The following EIF3E variants were observed in gnomAD, a reference collection of about 807,000 sequenced individuals.
EIF3E encodes the protein eukaryotic translation initiation factor 3 subunit E, also known as eIF-3 p48.
Under a neutral mutation model 59.3 loss-of-function variants are expected in EIF3E, and 25 were observed. The ratio of observed to expected loss-of-function variants is 0.42; its 90% CI spans 0.31 to 0.59. The LOEUF (loss-of-function observed/expected upper bound fraction) is 0.59. EIF3E is among the 20% of genes least tolerant of loss of function. The pLI is 0.15. For missense variants in EIF3E, 317 were observed against 534.3 expected (o/e 0.59, Z 4.01); for synonymous variants, 176 against 170.2 (o/e 1.03, Z -0.26).
intron 1 of EIF3E, among the ~76,000 whole-genome samples, chr8:108,243,638 GAAAAAAAAAAA>G (rs779684560): frequency 8.5e-5 from 6 of 70,986 alleles, no homozygotes; most frequent in Admixed American, 5.8e-4. Flanking sequence ...CAAAAAAAAA[GAAAAAAAAAAA>G]AAAAAAAAAA....
chr8:108,211,116 A>G (rs749378274), intron 10 of EIF3E, among the ~76,000 whole-genome samples: 4 of 152,170 alleles, frequency 2.6e-5, no homozygotes, highest in Non-Finnish European at 4.4e-5. Context: ...ATGTCCAGTA[A>G]TGGGATGGCT....
At position 108,245,294 on chromosome 8, in the gene EIF3E, C is replaced by T. The variant is rs187621551; in HGVS notation, c.90+3319G>A. 4.3e-3 allele frequency among the ~76,000 whole-genome samples: 654 copies of T among 152,080 alleles called. 8 individuals carry two copies. Among genetic ancestry groups the T allele is most frequent in the African/African-American group, 0.015 (622 of 41,482 alleles). On this transcript the variant is annotated intron_variant, in intron 1 of 12. Coordinates refer to ENST00000220849, the MANE Select transcript of EIF3E (RefSeq NM_001568.3). ...CAGCCTGGGTAACATGGTGAAACCCCATCTCTACAAAAAATACAAAAAAAA... is the reference window on the plus strand; with the variant it reads ...CAGCCTGGGTAACATGGTGAAACCCTATCTCTACAAAAAATACAAAAAAAA...
chr8:108,246,273 C>CT lies in EIF3E; in HGVS notation c.90+2339dup, dbSNP rs549349991. On this transcript the variant is annotated intron_variant, in intron 1 of 12. Transcript: ENST00000220849. ...ACTGGAACTGCAGAAATTGAAACTG[C>CT]TAAGGGGGTGTGGGGGGGGGGGGCT... Among the ~76,000 whole-genome samples, 3 of 77,816 alleles carry CT rather than the reference C, an allele frequency of 3.9e-5. No homozygotes were observed. In the East Asian group the frequency reaches 1.0e-3, roughly 26 times the overall value. The allele number at this position is 77,816 out of a possible 152,430, so 51.1% of individuals were successfully genotyped here. A position where few individuals can be genotyped will look rare whatever the true frequency, so the allele number is the denominator to read the frequency against.
intron 10 of EIF3E, among the ~76,000 whole-genome samples, chr8:108,204,746 T>TATATATATATATAG (rs1354950271): frequency 2.7e-4 from 31 of 113,666 alleles, no homozygotes; most frequent in Non-Finnish European, 3.3e-4. Context: ...TATATATATA[T>TATATATATATATAG]AGAGAGAGAG....
At chr8:108,247,618 C>T (rs1473835618) in intron 1 of EIF3E, among the ~76,000 whole-genome samples, 1 of 152,134 alleles carries the variant, frequency 6.6e-6, no homozygotes, top group South Asian at 2.1e-4. Context: ...GTTTTTGGGA[C>T]GTTTTTGTTT....
intron 10 of EIF3E, among the ~76,000 whole-genome samples, chr8:108,207,371 G>A (rs1317452430): frequency 6.6e-6 from 1 of 152,162 alleles, no homozygotes; most frequent in Non-Finnish European, 1.5e-5. Context: ...TAAAATAAAA[G>A]TGTAATATCC....
At chr8:108,244,931 C>T (rs751073281) in intron 1 of EIF3E, among the ~76,000 whole-genome samples, 1 of 152,036 alleles carries the variant, frequency 6.6e-6, no homozygotes, top group Non-Finnish European at 1.5e-5. Context: ...AAGCCTACCC[C>T]TAAATATGTC....
Position 108,243,638 on chromosome 8 carries a change from GAA to G in EIF3E, c.91-1727_91-1726del, listed in dbSNP as rs779684560. Among the ~76,000 whole-genome samples the G allele has an allele frequency of 6.6e-3, 470 of 70,974 alleles. 2 individuals carry two copies. The highest frequency in any genetic ancestry group is 0.021 in the African/African-American group (441 of 21,244). The allele number at this position is 70,974 out of a possible 152,430, so 46.6% of individuals were successfully genotyped here. On this transcript the variant is annotated intron_variant, in intron 1 of 12. Transcript: ENST00000220849. ...AGCAAGACTCTGTCTCAAAAAAAAA[GAA>G]AAAAAAAAAAAAAAAAAAAAGGATG...
intron 10 of EIF3E, among the ~76,000 whole-genome samples, chr8:108,210,937 T>C (rs1344134517): frequency 1.3e-5 from 2 of 152,248 alleles, no homozygotes; most frequent in Non-Finnish European, 2.9e-5. Flanking sequence ...CATCATTTTT[T>C]ATGGCTGCAT....
chr8:108,246,284 T>TGG lies in EIF3E; in HGVS notation c.90+2327_90+2328dup, dbSNP rs59396353. On this transcript the variant is annotated intron_variant, in intron 1 of 12. Transcript: ENST00000220849. ...AGAAATTGAAACTGCTAAGGGGGTG[T>TGG]GGGGGGGGGGGGCTGCTGTATCCTC... 1.8e-3 allele frequency among the ~76,000 whole-genome samples: 226 copies of TGG among 126,600 alleles called. 1 individual carries two copies. Among genetic ancestry groups the TGG allele is most frequent in the East Asian group, 3.7e-3 (13 of 3,514 alleles). 83.1% of individuals were successfully genotyped at this position (126,600 alleles called of 152,430 possible). A position where few individuals can be genotyped will look rare whatever the true frequency, so the allele number is the denominator to read the frequency against.
At position 108,236,145 on chromosome 8, in the gene EIF3E, T is replaced by C; in HGVS notation, c.366+16A>G. 1.2e-6 allele frequency: 2 copies of C among 1,602,540 alleles called. No homozygotes were observed. Among genetic ancestry groups the C allele is most frequent in the Non-Finnish European group, 1.7e-6 (2 of 1,174,716 alleles). ...ATTAAAACATGACAACTTTAAAATA[T>C]TTTTAAAACACTTACACCATGCTTG... is the stretch of plus-strand genomic sequence containing the variant. On this transcript the variant is annotated intron_variant, in intron 4 of 12. Coordinates refer to ENST00000220849, the MANE Select transcript of EIF3E (RefSeq NM_001568.3).
Position 108,229,098 on chromosome 8 carries a change from G to A in EIF3E, c.569C>T (p.Thr190Ile), listed in dbSNP as rs1282264189. ...QNWDAAMEDLTRLKETIDNNS... is the reference protein window; with the variant it reads ...QNWDAAMEDLIRLKETIDNNS... ...ATTATCTATGGTCTCTTTTAACCGT[G>A]TAAGGTCTTCCATGGCTGCATCCCA... The change falls in exon 6 of 13, where the codon ACA (threonine) becomes ATA (isoleucine). Residue 190 changes from threonine to isoleucine, a missense_variant. Thr to Ile is a moderately conservative substitution (Grantham distance 89). Around this residue, in one of 4 missense-constraint regions of EIF3E, gnomAD observed 242 missense variants for 398.0 expected, o/e 0.61. Coordinates refer to ENST00000220849, the MANE Select transcript of EIF3E (RefSeq NM_001568.3). 2 of 1,611,938 alleles carry A rather than the reference G, an allele frequency of 1.2e-6. No homozygotes were observed. Among genetic ancestry groups the A allele is most frequent in the Non-Finnish European group, 1.7e-6 (2 of 1,179,248 alleles).
Position 108,201,250 on chromosome 8 carries a change from C to T in EIF3E, c.*635G>A, listed in dbSNP as rs894850541. 9 of 122,888 alleles carry T rather than the reference C, an allele frequency of 7.3e-5. No homozygotes were observed. The highest frequency in any genetic ancestry group is 8.3e-5 in the Non-Finnish European group (5 of 60,062). The allele number at this position is 122,888 out of a possible 1,614,324, so 7.6% of individuals were successfully genotyped here. On this transcript the variant is annotated 3_prime_UTR_variant, in exon 13 of 13. Coordinates refer to ENST00000220849, the MANE Select transcript of EIF3E (RefSeq NM_001568.3). The stretch of plus-strand genomic sequence containing the variant: ...AATAAAAAAGGAATTAACTACTGAT[C>T]ATATATATATATATATCTATCTCTC...
In EIF3E at chr8:108,242,689, A is replaced by G. The variant is rs961722565; in HGVS notation, c.91-776T>C. ...ATCGAACCTTCCAAATTACATGCAG[A>G]ACTCCTATAAATGAGTAAGACAAGA... On this transcript the variant is annotated intron_variant, in intron 1 of 12. Coordinates refer to ENST00000220849, the MANE Select transcript of EIF3E (RefSeq NM_001568.3). 20 of 1,119,606 alleles carry G rather than the reference A, an allele frequency of 1.8e-5. No homozygotes were observed. The African/African-American group carries it at 2.6e-4, about 15-fold the overall frequency. 69.4% of individuals were successfully genotyped at this position (1,119,606 alleles called of 1,614,324 possible).
In EIF3E at chr8:108,236,146, T is replaced by G. The variant is rs530582103; in HGVS notation, c.366+15A>C. On this transcript the variant is annotated intron_variant, in intron 4 of 12. Transcript: ENST00000220849. ...TTAAAACATGACAACTTTAAAATAT[T>G]TTTAAAACACTTACACCATGCTTGT... 2 of 1,603,422 alleles carry G rather than the reference T, an allele frequency of 1.2e-6. No individual in the cohort carries two copies. The highest frequency in any genetic ancestry group is 1.1e-5 in the South Asian group (1 of 88,228).
intron 9 of EIF3E, 30 bp from the exon 10 acceptor site, chr8:108,214,746 G>A (rs1412217366): frequency 1.3e-6 from 2 of 1,561,276 alleles, no homozygotes; most frequent in Middle Eastern, 1.7e-4. Flanking sequence ...AAAAATTAAT[G>A]ATGCTGACAA....
rs1815000095 is a variant in EIF3E, at chr8:108,201,789, A to T, written c.*96T>A. On this transcript the variant is annotated 3_prime_UTR_variant, in exon 13 of 13. Coordinates refer to ENST00000220849, the MANE Select transcript of EIF3E (RefSeq NM_001568.3). ...CAATTCTTCAAAATTTATACGTAAT[A>T]TGTTGTTTCCAAAATGTAAGTCACC... The T allele has an allele frequency of 5.9e-6, 6 of 1,018,418 alleles. No homozygotes were observed. The South Asian group carries it at 1.4e-4, about 24-fold the overall frequency. The allele number at this position is 1,018,418 out of a possible 1,614,324, so 63.1% of individuals were successfully genotyped here. A position where few individuals can be genotyped will look rare whatever the true frequency, so the allele number is the denominator to read the frequency against.
intron 7 of EIF3E, among the ~76,000 whole-genome samples, chr8:108,220,117 C>G (rs1189631789): frequency 6.6e-6 from 1 of 150,952 alleles, no homozygotes; most frequent in African/African-American, 2.4e-5. Context: ...CACTCCAGGC[C>G]TGGGCGACGG....
At chr8:108,228,006 G>C (rs1178566247) in intron 7 of EIF3E, 1 of 286,426 alleles carries the variant, frequency 3.5e-6, no homozygotes, top group Non-Finnish European at 6.4e-6. Context: ...GGTGAGTCCT[G>C]AGATTCTATA....
Sources: allele counts gnomAD v4.1 joint callset (sites outside exome capture counted in the v4.1 genomes callset), GRCh38; gene constraint gnomAD v4.1.1; regional missense constraint gnomAD v4.1.1; transcripts MANE v1.5; gene names NCBI Gene and HGNC (gene_info 2026-07-23, HGNC 2026-07-21).